Variants in ZNF704 observed in about 807,000 individuals in gnomAD.
ZNF704 encodes the protein glucocorticoid induced gene 1.
In ZNF704, 10 loss-of-function variants were observed where a neutral mutation model predicts 44.7. The observed-to-expected ratio is 0.22, with a 90% CI of 0.14 to 0.38. The LOEUF is 0.38. ZNF704 is among the 10% of genes least tolerant of loss of function. ZNF704 has a pLI of 1.00. For synonymous variants in ZNF704, 211 were observed against 207.6 expected (o/e 1.02, Z -0.14); for missense variants, 390 against 545.5 (o/e 0.71, Z 2.84).
intron 5 of ZNF704, among the ~76,000 whole-genome samples, chr8:80,669,205 G>A (rs757311237): frequency 5.3e-5 from 8 of 152,100 alleles, no homozygotes; most frequent in Non-Finnish European, 1.0e-4. Context: ...CTACCTCCTG[G>A]CTCTAGCTTT....
intron 5 of ZNF704, 56 bp downstream of exon 5, chr8:80,670,447 G>T: frequency 7.8e-7 from 1 of 1,275,370 alleles, no homozygotes; most frequent in Non-Finnish European, 1.1e-6. Context: ...TCTGAGTGCG[G>T]GTGGCCCTAG....
intron 2 of ZNF704, among the ~76,000 whole-genome samples, chr8:80,746,499 G>A (rs1156666455): frequency 1.3e-5 from 2 of 152,176 alleles, no homozygotes; most frequent in African/African-American, 2.4e-5. Context: ...CTCTTATGGG[G>A]TTCACATTCT....
chr8:80,700,217 T>C (rs889137012), intron 2 of ZNF704, among the ~76,000 whole-genome samples: 6 of 152,368 alleles, frequency 3.9e-5, no homozygotes, highest in Admixed American at 1.3e-4. Flanking sequence ...GGAGATATAC[T>C]GAAGTTAGCC....
the ZNF704 span, among the ~76,000 whole-genome samples, chr8:80,882,998 G>A: frequency 1.3e-4 from 20 of 149,618 alleles, no homozygotes; most frequent in Admixed American, 1.3e-3. Flanking sequence ...AGCACTTTGG[G>A]AGGCCGAGGC....
chr8:80,843,000 G>A (rs1455012789), intron 1 of ZNF704, among the ~76,000 whole-genome samples: 3 of 152,166 alleles, frequency 2.0e-5, no homozygotes, highest in Non-Finnish European at 4.4e-5. Flanking sequence ...TTCAACTCAA[G>A]AGGTGAGTCA....
chr8:80,689,501 A>G (rs1240854923), intron 3 of ZNF704, among the ~76,000 whole-genome samples: 1 of 152,230 alleles, frequency 6.6e-6, no homozygotes, highest in Non-Finnish European at 1.5e-5. Context: ...TATTGTAAAT[A>G]AGAAAGCTCC....
intron 2 of ZNF704, among the ~76,000 whole-genome samples, chr8:80,695,135 G>A (rs1211806420): frequency 1.3e-5 from 2 of 152,192 alleles, no homozygotes. Flanking sequence ...TGGCACCAGG[G>A]AAAGAATGCA....
At chr8:80,775,132 T>C (rs1293031060) in intron 2 of ZNF704, among the ~76,000 whole-genome samples, 2 of 152,180 alleles carry the variant, frequency 1.3e-5, no homozygotes. Flanking sequence ...CATCCTATCA[T>C]CTTAGGAATT....
chr8:80,668,169 T>C (rs2131613441), intron 5 of ZNF704, among the ~76,000 whole-genome samples: 1 of 152,326 alleles, frequency 6.6e-6, no homozygotes, highest in African/African-American at 2.4e-5. Flanking sequence ...TGTAGAGAAG[T>C]GGTGCTTCTC....
At chr8:80,738,820 T>C (rs1806708518) in intron 2 of ZNF704, among the ~76,000 whole-genome samples, 1 of 152,036 alleles carries the variant, frequency 6.6e-6, no homozygotes, top group African/African-American at 2.4e-5. Flanking sequence ...GAAAAGAAAA[T>C]GACTCTTCCT....
chr8:80,699,336 T>G (rs1818773554), intron 2 of ZNF704, among the ~76,000 whole-genome samples: 1 of 152,174 alleles, frequency 6.6e-6, no homozygotes, highest in African/African-American at 2.4e-5. Context: ...CTCTTCCGAA[T>G]TAATTTTAGC....
chr8:80,675,500 T>G (rs1249210692), intron 4 of ZNF704, among the ~76,000 whole-genome samples: 1 of 152,068 alleles, frequency 6.6e-6, no homozygotes, highest in Non-Finnish European at 1.5e-5. Context: ...TACTCTGTTT[T>G]GGGATAGAAA....
chr8:80,658,096 G>A (rs370486738), intron 7 of ZNF704, among the ~76,000 whole-genome samples: 33 of 152,262 alleles, frequency 2.2e-4, no homozygotes, highest in African/African-American at 7.0e-4. Context: ...AGATAATTTA[G>A]TTAGAAAAGC....
chr8:80,673,943 C>A (rs945078336), intron 4 of ZNF704, among the ~76,000 whole-genome samples: 3 of 152,250 alleles, frequency 2.0e-5, no homozygotes, highest in Non-Finnish European at 4.4e-5. Flanking sequence ...GCACAGCAAT[C>A]TTGCTGTTTC....
chr8:80,765,371 A>C (rs1458621882), intron 2 of ZNF704, among the ~76,000 whole-genome samples: 1 of 151,950 alleles, frequency 6.6e-6, no homozygotes, highest in Non-Finnish European at 1.5e-5. Flanking sequence ...TCACATACAC[A>C]CCCCAAATCA....
chr8:80,822,116 ATTTAT>A (rs1433310140), intron 1 of ZNF704, among the ~76,000 whole-genome samples: 2 of 152,066 alleles, frequency 1.3e-5, no homozygotes, highest in Non-Finnish European at 2.9e-5. Context: ...TTTTTTATTA[ATTTAT>A]TTTAATTTTT....
At chr8:80,784,774 C>A (rs1807587908) in intron 2 of ZNF704, among the ~76,000 whole-genome samples, 1 of 152,174 alleles carries the variant, frequency 6.6e-6, no homozygotes, top group African/African-American at 2.4e-5. Flanking sequence ...CTGCCTCTTT[C>A]ATGGAGTTTG....
intron 1 of ZNF704, among the ~76,000 whole-genome samples, chr8:80,868,796 T>C (rs1221955347): frequency 6.6e-6 from 1 of 152,196 alleles, no homozygotes; most frequent in Non-Finnish European, 1.5e-5. Flanking sequence ...ACACATGATT[T>C]TTCTGCCTTC....
intron 1 of ZNF704, among the ~76,000 whole-genome samples, chr8:80,868,013 T>G (rs182999413): frequency 3.5e-4 from 54 of 152,342 alleles, no homozygotes; most frequent in Admixed American, 3.1e-3. Context: ...TTCTTATCCC[T>G]AAACTGTTGC....
Sources: gnomAD v4.1 joint callset for allele counts (sites outside exome capture counted in the v4.1 genomes callset) on GRCh38, gnomAD v4.1.1 for gene constraint, MANE v1.5 for transcripts, NCBI Gene and HGNC (gene_info 2026-07-23, HGNC 2026-07-21) for gene names.